MINDY2: variants seen among roughly 807,000 people sequenced by gnomAD.
MINDY2 encodes ubiquitin carboxyl-terminal hydrolase MINDY-2.
MINDY2 carries 52 observed loss-of-function variants against 68.2 expected under a neutral mutation model. The observed-to-expected ratio is 0.76, with a 90% CI of 0.61 to 0.96. The LOEUF (loss-of-function observed/expected upper bound fraction) is 0.96, where lower values mean the gene tolerates loss of function less well. MINDY2 is among the 40% of genes least tolerant of loss of function. The probability of loss-of-function intolerance (pLI) is 0.00; values close to 1 mark genes in which losing one functional copy is unlikely to be tolerated. For missense variants in MINDY2, 881 were observed against 773.4 expected (o/e 1.14, Z -1.65); for synonymous variants, 372 against 303.0 (o/e 1.23, Z -2.36).
At chr15:58,772,627 G>T (rs886394642) in intron 1 of MINDY2, among the ~76,000 whole-genome samples, 11 of 152,144 alleles carry the variant, frequency 7.2e-5, no homozygotes, top group African/African-American at 2.7e-4. Flanking sequence ...CCATCAATCC[G>T]TGATATCATG....
intron 4 of MINDY2, among the ~76,000 whole-genome samples, chr15:58,817,905 T>C (rs918163692): frequency 8.5e-5 from 13 of 152,292 alleles, no homozygotes; most frequent in South Asian, 2.1e-4. Context: ...TGGCAAGGCA[T>C]ACACTCTTGA....
chr15:58,843,856 T>C, intron 6 of MINDY2, among the ~76,000 whole-genome samples: 1 of 97,214 alleles, frequency 1.0e-5, no homozygotes, highest in Non-Finnish European at 2.4e-5. Context: ...AAAAAAAAAA[T>C]CCTGACAATA....
At chr15:58,806,461 G>A (rs570075373) in intron 3 of MINDY2, among the ~76,000 whole-genome samples, 1 of 150,834 alleles carries the variant, frequency 6.6e-6, no homozygotes, top group East Asian at 1.9e-4. Flanking sequence ...GGGCTCAAGT[G>A]ATCTGCTCAC....
At chr15:58,821,939 G>A (rs2031087420) in intron 5 of MINDY2, 120 bp downstream of exon 5, 10 of 637,538 alleles carry the variant, frequency 1.6e-5, no homozygotes, top group Non-Finnish European at 2.5e-5. Flanking sequence ...TATATTACTT[G>A]TATGAATTTT....
intron 4 of MINDY2, among the ~76,000 whole-genome samples, chr15:58,820,961 AT>A (rs2031025445): frequency 6.6e-6 from 1 of 150,724 alleles, no homozygotes; most frequent in Non-Finnish European, 1.5e-5. Context: ...ATATAAATAT[AT>A]TTTTATATAT....
At chr15:58,840,890 G>A (rs1447202543) in intron 6 of MINDY2, among the ~76,000 whole-genome samples, 1 of 145,606 alleles carries the variant, frequency 6.9e-6, no homozygotes, top group Non-Finnish European at 1.5e-5. Flanking sequence ...GGATGGTCTC[G>A]ATCTCCTGAC....
Position 58,847,381 on chromosome 15 carries a change from G to A in MINDY2, c.1453G>A (p.Asp485Asn). ...GGAAAGCCTACACAACGTAGATGGT[G>A]ATGGAAATTTCTGTGACTCAGAATT... ...VWESLHNVDG[D>N]GNFCDSEFHL... Residue 485 changes from aspartate to asparagine, a missense_variant, in exon 7 of 9, where the codon GAT (aspartate) becomes AAT (asparagine). Transcript: ENST00000559228. 1 of 1,609,258 alleles carries A rather than the reference G, an allele frequency of 6.2e-7. No individual in the cohort carries two copies.
At chr15:58,839,342 GT>G (rs1222458752) in intron 6 of MINDY2, among the ~76,000 whole-genome samples, 1 of 151,824 alleles carries the variant, frequency 6.6e-6, no homozygotes, top group Admixed American at 6.6e-5. Flanking sequence ...TTGTTTGTTT[GT>G]TTTTTTGAGA....
At chr15:58,818,927 C>T (rs2030879974) in intron 4 of MINDY2, among the ~76,000 whole-genome samples, 1 of 152,094 alleles carries the variant, frequency 6.6e-6, no homozygotes, top group Non-Finnish European at 1.5e-5. Flanking sequence ...AGGCATGAGC[C>T]ACTATGCCCA....
intron 6 of MINDY2, among the ~76,000 whole-genome samples, chr15:58,843,832 C>CAAAAAAA (rs34999651): frequency 1.2e-5 from 1 of 84,838 alleles, no homozygotes; most frequent in Non-Finnish European, 2.1e-5. Context: ...GACTCTGTCT[C>CAAAAAAA]AAAAAAAAAA....
intron 8 of MINDY2, among the ~76,000 whole-genome samples, chr15:58,852,318 A>G (rs976039423): frequency 2.7e-5 from 4 of 147,722 alleles, no homozygotes; most frequent in Non-Finnish European, 6.0e-5. Flanking sequence ...TGATCACTTT[A>G]GCAGTAAATT....
intron 3 of MINDY2, among the ~76,000 whole-genome samples, chr15:58,806,414 G>A (rs1446043002): frequency 6.2e-5 from 9 of 144,818 alleles, no homozygotes; most frequent in East Asian, 2.0e-4. Flanking sequence ...CTGGTTTGCC[G>A]TGGTGCTATC....
chr15:58,826,643 C>G (rs913328051), intron 5 of MINDY2, among the ~76,000 whole-genome samples: 1 of 152,116 alleles, frequency 6.6e-6, no homozygotes, highest in African/African-American at 2.4e-5. Context: ...TATAAATTCT[C>G]CTATATAATC....
At chr15:58,802,419 A>C (rs1182567971) in intron 3 of MINDY2, 42 bp downstream of exon 3, 2 of 1,277,430 alleles carry the variant, frequency 1.6e-6, no homozygotes, top group Non-Finnish European at 2.2e-6. Flanking sequence ...TTTAAAGTTT[A>C]AATATATACA....
At chr15:58,822,222 C>T (rs2031106258) in intron 5 of MINDY2, among the ~76,000 whole-genome samples, 1 of 151,654 alleles carries the variant, frequency 6.6e-6, no homozygotes, top group Non-Finnish European at 1.5e-5. Context: ...CCGCTGTACT[C>T]CACCCTGGGC....
chr15:58,771,504 G>A lies in MINDY2; in HGVS notation c.109G>A (p.Ala37Thr), dbSNP rs759937759. 6.2e-7 allele frequency: 1 copy of A among 1,612,232 alleles called. No homozygotes were observed. Among genetic ancestry groups the A allele is most frequent in the South Asian group, 1.1e-5 (1 of 91,070 alleles). ...AGGGCTACAGGAGACCAGGCTCGCC[G>A]CTGGTGATGGTCCTGGGGTATGGGC... ...QEGLQETRLA[A>T]GDGPGVWAAE... Residue 37 changes from alanine (A) to threonine (T), a missense_variant, in exon 1 of 9, where the codon GCT becomes ACT. By Grantham distance (58) the Ala-to-Thr change is moderately conservative. Coordinates refer to ENST00000559228, the MANE Select transcript of MINDY2 (RefSeq NM_001040450.3).
intron 1 of MINDY2, among the ~76,000 whole-genome samples, chr15:58,786,283 G>A (rs1901491394): frequency 6.6e-6 from 1 of 152,144 alleles, no homozygotes; most frequent in South Asian, 2.1e-4. Flanking sequence ...GGATTTCTTT[G>A]GATGAACACA....
intron 7 of MINDY2, among the ~76,000 whole-genome samples, chr15:58,850,250 TTGAG>T (rs1313352878): frequency 6.6e-6 from 1 of 152,210 alleles, no homozygotes; most frequent in Non-Finnish European, 1.5e-5. Flanking sequence ...GGTTAAATAA[TTGAG>T]TAAGACTATA....
chr15:58,841,121 A>G (rs1225964428), intron 6 of MINDY2, among the ~76,000 whole-genome samples: 1 of 151,514 alleles, frequency 6.6e-6, no homozygotes, highest in Admixed American at 6.6e-5. Context: ...AGCTGGGATT[A>G]TAGGCGCGCA....
Sources: gnomAD v4.1 joint callset for allele counts (sites outside exome capture counted in the v4.1 genomes callset) on GRCh38, gnomAD v4.1.1 for gene constraint, MANE v1.5 for transcripts, NCBI Gene and HGNC (gene_info 2026-07-23, HGNC 2026-07-21) for gene names.